DOCK3: variants seen among roughly 807,000 people sequenced by gnomAD.
The protein encoded by DOCK3 is dedicator of cytokinesis 3.
A neutral mutation model predicts 265.6 loss-of-function variants in DOCK3; 60 were observed. The observed-to-expected ratio is 0.23, with a 90% CI of 0.18 to 0.28. The LOEUF (loss-of-function observed/expected upper bound fraction) is 0.28. Ranked by LOEUF, DOCK3 falls within the 10% of genes least tolerant of loss-of-function variation. The probability of loss-of-function intolerance (pLI) is 1.00; values close to 1 mark genes in which losing one functional copy is unlikely to be tolerated. For synonymous variants in DOCK3, 881 were observed against 938.0 expected (o/e 0.94, Z 1.11); for missense variants, 1,981 against 2,594.3 (o/e 0.76, Z 5.14).
At chr3:51,285,936 A>G (rs1457071347) in intron 27 of DOCK3, among the ~76,000 whole-genome samples, 2 of 152,174 alleles carry the variant, frequency 1.3e-5, no homozygotes, top group African/African-American at 4.8e-5. Flanking sequence ...CTCCATCTCA[A>G]ATGAAAAAAG....
At chr3:50,908,724 C>T (rs139981241) in intron 4 of DOCK3, among the ~76,000 whole-genome samples, 2 of 152,174 alleles carry the variant, frequency 1.3e-5, no homozygotes, top group East Asian at 1.9e-4. Flanking sequence ...CTGTAGATAT[C>T]GATCAGGTTC....
In DOCK3 at chr3:50,976,489, T is replaced by C. The variant is rs1472386927; in HGVS notation, c.315+42412T>C. 7.6e-4 allele frequency among the ~76,000 whole-genome samples: 62 copies of C among 81,718 alleles called. 1 individual carries two copies. The highest frequency in any genetic ancestry group is 1.7e-3 in the African/African-American group (38 of 22,768). 53.6% of individuals were successfully genotyped at this position (81,718 alleles called of 152,430 possible). On this transcript the variant is annotated intron_variant, in intron 5 of 52. Transcript: ENST00000266037. ...TCTTAATCCTGAGTTCTAGTTTGAT[T>C]GCACTGTGGTCTGAGAGAAAGTTTG... is the stretch of plus-strand genomic sequence containing the variant.
At chr3:50,803,565 C>T (rs531430637) in intron 2 of DOCK3, among the ~76,000 whole-genome samples, 2 of 152,376 alleles carry the variant, frequency 1.3e-5, no homozygotes, top group Non-Finnish European at 2.9e-5. Context: ...GTCATCATGG[C>T]CTGTTCTCAA....
At chr3:50,925,530 G>A (rs2050709444) in intron 4 of DOCK3, among the ~76,000 whole-genome samples, 2 of 152,020 alleles carry the variant, frequency 1.3e-5, no homozygotes, top group Non-Finnish European at 2.9e-5. Flanking sequence ...CTCCAGACTG[G>A]GAAACATAGC....
At chr3:51,272,108 G>C (rs186715837) in intron 24 of DOCK3, among the ~76,000 whole-genome samples, 5 of 152,278 alleles carry the variant, frequency 3.3e-5, no homozygotes. Context: ...CTGCCTTGCA[G>C]GGACAACCAA....
intron 9 of DOCK3, among the ~76,000 whole-genome samples, chr3:51,112,114 G>A (rs1466055403): frequency 6.6e-6 from 1 of 152,134 alleles, no homozygotes; most frequent in Admixed American, 6.5e-5. Context: ...GTTGGTGGGA[G>A]TGTAAATTAG....
intron 4 of DOCK3, among the ~76,000 whole-genome samples, chr3:50,894,893 G>A (rs11130263): frequency 0.16 from 23,572 of 152,026 alleles, 2,268 homozygotes; most frequent in African/African-American, 0.26. Context: ...AGGTCACACA[G>A]TTCTTGAGCG....
intron 5 of DOCK3, among the ~76,000 whole-genome samples, chr3:51,007,935 T>A (rs1471754414): frequency 2.0e-5 from 3 of 152,202 alleles, no homozygotes; most frequent in Non-Finnish European, 4.4e-5. Context: ...TGATTATAGA[T>A]GTGTGGTGTT....
chr3:50,808,074 G>A (rs910656825), intron 2 of DOCK3, among the ~76,000 whole-genome samples: 1 of 152,078 alleles, frequency 6.6e-6, no homozygotes, highest in African/African-American at 2.4e-5. Context: ...TTTTCTCTAT[G>A]TTTGCAAAGA....
intron 1 of DOCK3, among the ~76,000 whole-genome samples, chr3:50,740,460 C>T (rs916120898): frequency 7.2e-5 from 11 of 152,084 alleles, no homozygotes; most frequent in East Asian, 3.8e-4. Flanking sequence ...TCTTCCAAAA[C>T]GATAGTATCA....
At chr3:50,737,130 A>C (rs1403842825) in intron 1 of DOCK3, among the ~76,000 whole-genome samples, 1 of 151,898 alleles carries the variant, frequency 6.6e-6, no homozygotes, top group Admixed American at 6.6e-5. Context: ...AGATTGCAAA[A>C]ATTTTTTCCC....
At chr3:50,872,598 A>C (rs1008033547) in intron 3 of DOCK3, among the ~76,000 whole-genome samples, 4 of 152,232 alleles carry the variant, frequency 2.6e-5, no homozygotes. Context: ...TGGCAAAGCC[A>C]GTCAGGTCTG....
At position 50,942,692 on chromosome 3, in the gene DOCK3, TTAAC is replaced by T. The variant is rs997680528; in HGVS notation, c.315+8619_315+8622del. 7.9e-4 allele frequency among the ~76,000 whole-genome samples: 120 copies of T among 152,120 alleles called. 1 individual carries two copies. Among genetic ancestry groups the T allele is most frequent in the African/African-American group, 1.9e-3 (78 of 41,568 alleles). On this transcript the variant is annotated intron_variant, in intron 5 of 52. Transcript: ENST00000266037. ...GTCAAATAAATTATTCTAAAAGAGA[TTAAC>T]TAATTTTGTTACTGTGAATGTGAAT...
intron 49 of DOCK3, among the ~76,000 whole-genome samples, chr3:51,363,456 A>G (rs566972195): frequency 7.2e-5 from 11 of 152,206 alleles, no homozygotes; most frequent in Non-Finnish European, 1.5e-4. Flanking sequence ...TCTTCTCATT[A>G]TTATGAAACC....
intron 9 of DOCK3, among the ~76,000 whole-genome samples, chr3:51,122,458 AAGAT>A (rs1367391284): frequency 2.0e-5 from 3 of 152,230 alleles, no homozygotes; most frequent in Non-Finnish European, 4.4e-5. Flanking sequence ...AAATAAAAGA[AAGAT>A]AGAGAAAGAA....
At chr3:51,283,361 A>G (rs1487357284) in intron 27 of DOCK3, among the ~76,000 whole-genome samples, 3 of 152,156 alleles carry the variant, frequency 2.0e-5, no homozygotes, top group Non-Finnish European at 4.4e-5. Flanking sequence ...AAGATTTGCC[A>G]TGGTTTGGCT....
In DOCK3 at chr3:51,312,842, A is replaced by G; in HGVS notation, c.3195-2A>G. 1 of 1,609,384 alleles carries G rather than the reference A, an allele frequency of 6.2e-7. No individual in the cohort carries two copies. Among genetic ancestry groups the G allele is most frequent in the Non-Finnish European group, 8.5e-7 (1 of 1,177,744 alleles). ...GGTTGGCTCCTGTGTTACTATTCTT[A>G]GGTATGGGGACATGCGTGTAATGAT... On this transcript the variant is annotated splice_acceptor_variant, in intron 30 of 52. Coordinates refer to ENST00000266037, the MANE Select transcript of DOCK3 (RefSeq NM_004947.5). LOFTEE classifies it high-confidence loss of function.
intron 2 of DOCK3, among the ~76,000 whole-genome samples, chr3:50,814,075 A>G (rs189262509): frequency 2.0e-5 from 3 of 152,006 alleles, no homozygotes; most frequent in African/African-American, 7.3e-5. Context: ...ATATAATACT[A>G]GTATTTTCTT....
intron 27 of DOCK3, among the ~76,000 whole-genome samples, chr3:51,286,076 C>T (rs1254945837): frequency 6.6e-6 from 1 of 152,150 alleles, no homozygotes; most frequent in African/African-American, 2.4e-5. Flanking sequence ...ACTCCATAAC[C>T]TCTTTCCAAA....
Sources: allele counts gnomAD v4.1 joint callset (sites outside exome capture counted in the v4.1 genomes callset), GRCh38; gene constraint gnomAD v4.1.1; transcripts MANE v1.5; gene names NCBI Gene and HGNC (gene_info 2026-07-23, HGNC 2026-07-21).